Variants in TMEM72 observed in about 807,000 individuals in gnomAD.
TMEM72 encodes transmembrane protein 72.
A neutral mutation model predicts 16.3 loss-of-function variants in TMEM72; 9 were observed. The observed-to-expected ratio is 0.55, with a 90% CI of 0.33 to 0.96. The LOEUF (loss-of-function observed/expected upper bound fraction) is 0.96, where lower values mean the gene tolerates loss of function less well. Ranked by LOEUF, TMEM72 falls within the 40% of genes least tolerant of loss-of-function variation. The pLI is 0.03. For missense variants in TMEM72, 324 were observed against 337.8 expected (o/e 0.96, Z 0.32); for synonymous variants, 160 against 146.5 (o/e 1.09, Z -0.66).
At chr10:44,926,978 C>T (rs755333472) in intron 1 of TMEM72, among the ~76,000 whole-genome samples, 90 of 152,106 alleles carry the variant, frequency 5.9e-4, no homozygotes, top group Non-Finnish European at 1.1e-3. Flanking sequence ...CAGGAAGCAG[C>T]GCCACGAGCA....
At chr10:44,932,607 C>T (rs567573218) in intron 3 of TMEM72, among the ~76,000 whole-genome samples, 42 of 152,150 alleles carry the variant, frequency 2.8e-4, no homozygotes, top group African/African-American at 1.2e-4. Context: ...TCGGTGAGAC[C>T]GAGGACTGCG....
chr10:44,933,599 T>C (rs778361931), intron 3 of TMEM72, 38 bp from the exon 4 acceptor site: 3 of 1,590,612 alleles, frequency 1.9e-6, no homozygotes, highest in Non-Finnish European at 2.6e-6. Context: ...GGGGTTTTCC[T>C]GGGACACATT....
In TMEM72 at chr10:44,911,391, C is replaced by T. The variant is rs1589035691; in HGVS notation, c.-122C>T. The T allele has an allele frequency of 8.7e-6, 9 of 1,037,200 alleles. No individual in the cohort carries two copies. In the East Asian group the frequency reaches 2.4e-4, roughly 27 times the overall value. 64.2% of individuals were successfully genotyped at this position (1,037,200 alleles called of 1,614,324 possible). A position where few individuals can be genotyped will look rare whatever the true frequency, so the allele number is the denominator to read the frequency against. On this transcript the variant is annotated 5_prime_UTR_variant, in exon 1 of 5. Transcript: ENST00000389583. ...GGTGGCCAGGACTGGTTTGGGAAGG[C>T]AGGGCCCCGGTGTGCAGCCACAGCC...
intron 1 of TMEM72, among the ~76,000 whole-genome samples, chr10:44,921,912 A>G (rs907428952): frequency 6.6e-6 from 1 of 152,182 alleles, no homozygotes; most frequent in African/African-American, 2.4e-5. Flanking sequence ...TTAAATTACA[A>G]TGAGGGCCCC....
At chr10:44,912,145 C>G (rs562085796) in intron 1 of TMEM72, among the ~76,000 whole-genome samples, 1 of 152,314 alleles carries the variant, frequency 6.6e-6, no homozygotes, top group South Asian at 2.1e-4. Flanking sequence ...GAACCCAGAC[C>G]CCTGTCTGAG....
In TMEM72 at chr10:44,917,101, T is replaced by C. The variant is rs550802691; in HGVS notation, c.70+5519T>C. Among the ~76,000 whole-genome samples the C allele has an allele frequency of 2.0e-5, 3 of 152,186 alleles. No individual in the cohort carries two copies. In the East Asian group the frequency reaches 5.8e-4, roughly 29 times the overall value. On this transcript the variant is annotated intron_variant, in intron 1 of 4. Coordinates refer to ENST00000389583, the MANE Select transcript of TMEM72 (RefSeq NM_001123376.3). ...GGCAAGACCTTGCCCTGTGGGAGTG[T>C]ATGGGCTGGACAGAGAAGCAAACTA...
Position 44,935,238 on chromosome 10 carries a change from C to T in TMEM72, c.*104C>T, listed in dbSNP as rs554227316. 8.6e-7 allele frequency: 1 copy of T among 1,159,634 alleles called. No individual in the cohort carries two copies. Among genetic ancestry groups the T allele is most frequent in the African/African-American group, 1.6e-5 (1 of 63,962 alleles). 71.8% of individuals were successfully genotyped at this position (1,159,634 alleles called of 1,614,324 possible). On this transcript the variant is annotated 3_prime_UTR_variant, in exon 5 of 5. Transcript: ENST00000389583. The stretch of plus-strand genomic sequence containing the variant: ...TCTGGTCAGCTTTTCAAGGGGTAAC[C>T]AGACACCCCCACACTGGCTGGGCCC...
At chr10:44,930,005 G>A (rs1004498036) in intron 2 of TMEM72, among the ~76,000 whole-genome samples, 18 of 152,232 alleles carry the variant, frequency 1.2e-4, no homozygotes, top group African/African-American at 4.3e-4. Context: ...AAGCAGGCGG[G>A]CCTTCCTCCT....
chr10:44,914,999 C>T (rs1185580801), intron 1 of TMEM72, among the ~76,000 whole-genome samples: 1 of 152,198 alleles, frequency 6.6e-6, no homozygotes, highest in Admixed American at 6.5e-5. Flanking sequence ...AGGCACCTCT[C>T]AGGCCGTCCA....
Position 44,933,681 on chromosome 10 carries a change from A to G in TMEM72, c.254A>G (p.His85Arg), listed in dbSNP as rs778449778. Residue 85 changes from histidine to arginine, a missense_variant, in exon 4 of 5, where the codon CAC becomes CGC. Coordinates refer to ENST00000389583, the MANE Select transcript of TMEM72 (RefSeq NM_001123376.3). ...SLADRVREKA[H>R]WLGCFQKFLA... ...GCAGACAGAGTAAGGGAGAAAGCCC[A>G]CTGGCTGGGCTGCTTCCAGAAGTTC... is the stretch of plus-strand genomic sequence containing the variant. 1.7e-5 allele frequency: 28 copies of G among 1,613,972 alleles called. No individual in the cohort carries two copies. In the East Asian group the frequency reaches 5.6e-4, roughly 32 times the overall value.
At chr10:44,916,906 A>G (rs1343410121) in intron 1 of TMEM72, among the ~76,000 whole-genome samples, 1 of 152,160 alleles carries the variant, frequency 6.6e-6, no homozygotes, top group Non-Finnish European at 1.5e-5. Context: ...CTGAGTCCCC[A>G]GTGATCTGCT....
intron 1 of TMEM72, among the ~76,000 whole-genome samples, chr10:44,921,381 C>A (rs1840096348): frequency 6.7e-6 from 1 of 149,004 alleles, no homozygotes; most frequent in South Asian, 2.1e-4. Flanking sequence ...CCGTGTCAAG[C>A]AGTGCTGTTC....
chr10:44,933,629 C>G lies in TMEM72; in HGVS notation c.210-8C>G, dbSNP rs776263264. 2 of 1,611,120 alleles carry G rather than the reference C, an allele frequency of 1.2e-6. No homozygotes were observed. The highest frequency in any genetic ancestry group is 3.3e-5 in the Admixed American group (2 of 59,846). ...CACATTATGCTAACCTGGACTCCCT[C>G]TCCCCAGGTGTCAACCAGGGTCCCT... On this transcript the variant is annotated splice_polypyrimidine_tract_variant and splice_region_variant and intron_variant, in intron 3 of 4. Transcript: ENST00000389583.
chr10:44,933,844 C>T (rs576892807), intron 4 of TMEM72, 68 bp downstream of exon 4: 3 of 1,505,312 alleles, frequency 2.0e-6, no homozygotes, highest in Admixed American at 4.2e-5. Context: ...GAGCTGAGCC[C>T]CTCAAAGTCT....
At chr10:44,929,703 C>T (rs551414321) in intron 2 of TMEM72, among the ~76,000 whole-genome samples, 16 of 152,256 alleles carry the variant, frequency 1.1e-4, no homozygotes, top group Non-Finnish European at 2.2e-4. Context: ...CATATTCTGG[C>T]CTCTGCCTCA....
chr10:44,923,786 T>G (rs1186088192), intron 1 of TMEM72, among the ~76,000 whole-genome samples: 1 of 152,138 alleles, frequency 6.6e-6, no homozygotes, highest in East Asian at 1.9e-4. Flanking sequence ...GGGCATGCCT[T>G]CTGCTTTATG....
rs1467826221 is a variant in TMEM72, at chr10:44,935,719, G to A, written c.*585G>A. 6.6e-6 allele frequency: 1 copy of A among 152,428 alleles called. No homozygotes were observed. Among genetic ancestry groups the A allele is most frequent in the Admixed American group, 6.5e-5 (1 of 15,292 alleles). 9.4% of individuals were successfully genotyped at this position (152,428 alleles called of 1,614,324 possible). On this transcript the variant is annotated 3_prime_UTR_variant, in exon 5 of 5. Transcript: ENST00000389583. ...ACATTCTCTGCATGCTCTAGGGCTG[G>A]GGCTGAGCTGCTCAGGAAAACAATG...
intron 1 of TMEM72, among the ~76,000 whole-genome samples, chr10:44,915,550 A>T (rs1400604946): frequency 6.6e-6 from 1 of 152,140 alleles, no homozygotes; most frequent in East Asian, 1.9e-4. Context: ...AATCAGGATT[A>T]AAAAGCATGT....
intron 1 of TMEM72, among the ~76,000 whole-genome samples, chr10:44,927,461 C>T (rs1271195482): frequency 8.3e-6 from 1 of 120,150 alleles, no homozygotes; most frequent in Non-Finnish European, 1.8e-5. Context: ...TGTGACCTGC[C>T]GCCACCCCTC....
Sources: gnomAD v4.1 joint callset for allele counts (sites outside exome capture counted in the v4.1 genomes callset) on GRCh38, gnomAD v4.1.1 for gene constraint, MANE v1.5 for transcripts, NCBI Gene and HGNC (gene_info 2026-07-23, HGNC 2026-07-21) for gene names.